The following ZBTB20 variants were observed in gnomAD, a reference collection of about 807,000 sequenced individuals.
ZBTB20 encodes zinc finger and BTB domain-containing protein 20.
ZBTB20 carries 9 observed loss-of-function variants against 56.9 expected under a neutral mutation model. The ratio of observed to expected loss-of-function variants is 0.16; its 90% CI spans 0.10 to 0.28. The LOEUF (loss-of-function observed/expected upper bound fraction) is 0.28, where lower values mean the gene tolerates loss of function less well. Among genes scored for constraint, ZBTB20 ranks in the 10% least tolerant of loss-of-function variants. ZBTB20 has a pLI of 1.00. For synonymous variants in ZBTB20, 417 were observed against 420.7 expected (o/e 0.99, Z 0.11); for missense variants, 655 against 1,003.0 (o/e 0.65, Z 4.69).
chr3:114,450,583 C>T (rs2091544072), intron 7 of ZBTB20, among the ~76,000 whole-genome samples: 1 of 152,056 alleles, frequency 6.6e-6, no homozygotes, highest in Non-Finnish European at 1.5e-5. Context: ...AAACTAAAAA[C>T]TATGGGTTTA....
At chr3:114,645,136 A>G (rs901068734) in intron 6 of ZBTB20, among the ~76,000 whole-genome samples, 1 of 152,144 alleles carries the variant, frequency 6.6e-6, no homozygotes, top group Non-Finnish European at 1.5e-5. Context: ...AGAGCCATCC[A>G]TATAAAAATA....
At chr3:114,521,609 GTACATTGTACTA>G (rs2046645103) in intron 6 of ZBTB20, among the ~76,000 whole-genome samples, 1 of 152,038 alleles carries the variant, frequency 6.6e-6, no homozygotes, top group Non-Finnish European at 1.5e-5. Flanking sequence ...TATTGCGACA[GTACATTGTACTA>G]TATTTTCTTA....
intron 7 of ZBTB20, among the ~76,000 whole-genome samples, chr3:114,496,960 A>T (rs935121130): frequency 2.0e-5 from 3 of 152,174 alleles, no homozygotes; most frequent in African/African-American, 4.8e-5. Flanking sequence ...GAGCCTGGTG[A>T]CCAGGGGGCA....
chr3:114,905,774 T>C (rs1047289845), intron 3 of ZBTB20, among the ~76,000 whole-genome samples: 1 of 151,926 alleles, frequency 6.6e-6, no homozygotes, highest in African/African-American at 2.4e-5. Context: ...GTCTCAAATG[T>C]TAACACCAGG....
chr3:115,081,679 A>G (rs1576733721), intron 1 of ZBTB20, among the ~76,000 whole-genome samples: 3 of 152,292 alleles, frequency 2.0e-5, no homozygotes, highest in South Asian at 2.1e-4. Context: ...AAGCCAGTCT[A>G]TAATATAGCT....
At chr3:114,438,161 C>T (rs1411967342) in intron 7 of ZBTB20, among the ~76,000 whole-genome samples, 1 of 152,116 alleles carries the variant, frequency 6.6e-6, no homozygotes, top group Non-Finnish European at 1.5e-5. Context: ...GAACACATAG[C>T]TAGCAGTGGC....
chr3:114,862,163 A>G (rs2075565562), intron 4 of ZBTB20, among the ~76,000 whole-genome samples: 1 of 152,200 alleles, frequency 6.6e-6, no homozygotes, highest in South Asian at 2.1e-4. Context: ...TCTTTTAGCA[A>G]TTACAACCTC....
chr3:115,123,025 A>T (rs1018153852), intron 1 of ZBTB20, among the ~76,000 whole-genome samples: 6 of 152,092 alleles, frequency 3.9e-5, no homozygotes, highest in African/African-American at 1.4e-4. Context: ...TAAAGGTCTA[A>T]TTATTGCTCT....
At chr3:114,821,078 A>AT (rs1477425549) in intron 4 of ZBTB20, among the ~76,000 whole-genome samples, 1 of 152,130 alleles carries the variant, frequency 6.6e-6, no homozygotes, top group East Asian at 1.9e-4. Flanking sequence ...CTTGCCTAGT[A>AT]TTTTGCGAAT....
intron 3 of ZBTB20, chr3:114,904,414 C>T (rs1020937648): frequency 6.6e-6 from 1 of 151,940 alleles, no homozygotes; most frequent in Admixed American, 6.6e-5. Context: ...AGGAAGCATC[C>T]ACAGGACTAT....
intron 3 of ZBTB20, among the ~76,000 whole-genome samples, chr3:114,916,707 A>G (rs2075759193): frequency 6.6e-6 from 1 of 152,148 alleles, no homozygotes; most frequent in Non-Finnish European, 1.5e-5. Context: ...CACTTTAAAT[A>G]TGTCATGCTA....
intron 5 of ZBTB20, among the ~76,000 whole-genome samples, chr3:114,772,867 G>T (rs2069320095): frequency 6.6e-6 from 1 of 152,174 alleles, no homozygotes; most frequent in South Asian, 2.1e-4. Flanking sequence ...TGTAATGAAG[G>T]TTGTTAACAC....
At chr3:114,875,800 T>G (rs2076170043) in intron 4 of ZBTB20, among the ~76,000 whole-genome samples, 1 of 152,192 alleles carries the variant, frequency 6.6e-6, no homozygotes, top group Admixed American at 6.5e-5. Flanking sequence ...CCTCAATAAC[T>G]GTAATTAAAA....
chr3:114,452,923 G>T (rs1345486140), intron 7 of ZBTB20, among the ~76,000 whole-genome samples: 1 of 150,184 alleles, frequency 6.7e-6, no homozygotes, highest in African/African-American at 2.4e-5. Flanking sequence ...ACCTTAAAAA[G>T]ATTTCTAAGT....
chr3:115,103,936 T>G (rs1310526461), intron 1 of ZBTB20, among the ~76,000 whole-genome samples: 1 of 152,202 alleles, frequency 6.6e-6, no homozygotes, highest in African/African-American at 2.4e-5. Flanking sequence ...AGAAAATATT[T>G]GCAAAAGATG....
At chr3:114,368,105 T>C (rs1322836036) in intron 10 of ZBTB20, among the ~76,000 whole-genome samples, 1 of 152,246 alleles carries the variant, frequency 6.6e-6, no homozygotes, top group African/African-American at 2.4e-5. Flanking sequence ...TTTCTGGTGC[T>C]GCTTTAAGGG....
chr3:115,036,751 A>G (rs1458650692), intron 2 of ZBTB20, among the ~76,000 whole-genome samples: 1 of 152,036 alleles, frequency 6.6e-6, no homozygotes, highest in African/African-American at 2.4e-5. Flanking sequence ...CCCACCCCAA[A>G]AATACATAGA....
chr3:114,937,664 G>A (rs556592042), intron 3 of ZBTB20, among the ~76,000 whole-genome samples: 3 of 152,116 alleles, frequency 2.0e-5, no homozygotes, highest in African/African-American at 7.2e-5. Context: ...CTCGTGATCA[G>A]CCTGCGTTGG....
intron 5 of ZBTB20, among the ~76,000 whole-genome samples, chr3:114,786,925 C>T (rs982356856): frequency 6.6e-6 from 1 of 151,914 alleles, no homozygotes; most frequent in Non-Finnish European, 1.5e-5. Flanking sequence ...CAAAGGAACA[C>T]TACTTAGCAA....
Sources: gnomAD v4.1 joint callset for allele counts (sites outside exome capture counted in the v4.1 genomes callset) on GRCh38, gnomAD v4.1.1 for gene constraint, MANE v1.5 for transcripts, NCBI Gene and HGNC (gene_info 2026-07-23, HGNC 2026-07-21) for gene names.